Variants in TRDMT1 observed in about 807,000 individuals in gnomAD.
TRDMT1 encodes tRNA aspartic acid methyltransferase 1, also known as tRNA (cytosine(38)-C(5))-methyltransferase.
A neutral mutation model predicts 51.2 loss-of-function variants in TRDMT1; 49 were observed. That is an observed-to-expected ratio of 0.96 (90% confidence interval 0.76 to 1.21). TRDMT1 has a LOEUF of 1.21. Among genes scored for constraint, TRDMT1 ranks in the 50% most tolerant of loss-of-function variants. TRDMT1 has a pLI of 0.00. For synonymous variants in TRDMT1, 187 were observed against 164.6 expected, an observed-to-expected ratio of 1.14 and a Z score of -1.04; for missense variants, 534 against 462.3, an observed-to-expected ratio of 1.16 and a Z score of -1.42.
At chr10:17,150,474 T>C (rs1219398250) in intron 10 of TRDMT1, 2 of 985,268 alleles carry the variant, frequency 2.0e-6, no homozygotes, top group Non-Finnish European at 2.4e-6. Flanking sequence ...AAAAGGCCCA[T>C]GGATCCCTTA....
Position 17,169,473 on chromosome 10 carries a change from G to C in TRDMT1, c.175-556C>G, listed in dbSNP as rs977457771. The C allele has an allele frequency of 7.8e-6, 10 of 1,289,522 alleles. No individual in the cohort carries two copies. The African/African-American group carries it at 1.5e-4, about 20-fold the overall frequency. The allele number at this position is 1,289,522 out of a possible 1,614,324, so 79.9% of individuals were successfully genotyped here. A position where few individuals can be genotyped will look rare whatever the true frequency, so the allele number is the denominator to read the frequency against. ...GTGCAATGAACTTCAAATGACTGTT[G>C]ACAAGATGCATCAAAAGAATTCCTA... On this transcript the variant is annotated intron_variant, in intron 2 of 10. Coordinates refer to ENST00000377799, the MANE Select transcript of TRDMT1 (RefSeq NM_004412.7).
intron 10 of TRDMT1, among the ~76,000 whole-genome samples, chr10:17,149,501 G>T (rs2131368140): frequency 1.3e-5 from 2 of 152,154 alleles, no homozygotes; most frequent in Admixed American, 1.3e-4. Context: ...GATATAATTT[G>T]CATAGCATAA....
At chr10:17,156,387 A>G (rs1839514787) in intron 8 of TRDMT1, among the ~76,000 whole-genome samples, 1 of 151,820 alleles carries the variant, frequency 6.6e-6, no homozygotes, top group Non-Finnish European at 1.5e-5. Flanking sequence ...GGCACCCACC[A>G]CCATGCCTGG....
Position 17,139,202 on chromosome 10 carries a change from C to T in TRDMT1, c.*9838G>A. 1 of 985,316 alleles carries T rather than the reference C, an allele frequency of 1.0e-6. No homozygotes were observed. The allele number at this position is 985,316 out of a possible 1,614,324, so 61.0% of individuals were successfully genotyped here. On this transcript the variant is annotated 3_prime_UTR_variant, in exon 11 of 11. Transcript: ENST00000377799. ...TCCTGCCATCCTGTTCCAAATCAAC[C>T]TAAAAAGGACAAAATGAGTTTTCTA...
At position 17,169,594 on chromosome 10, in the gene TRDMT1, C is replaced by T. The variant is rs1036886518; in HGVS notation, c.175-677G>A. On this transcript the variant is annotated intron_variant, in intron 2 of 10. Coordinates refer to ENST00000377799, the MANE Select transcript of TRDMT1 (RefSeq NM_004412.7). ...CACACGTCAGGGGTTTGCCAACTCACATTAAGCACTCTCAGTGCACATCTT... is the reference window on the plus strand; with the variant it reads ...CACACGTCAGGGGTTTGCCAACTCATATTAAGCACTCTCAGTGCACATCTT... 14 of 1,146,544 alleles carry T rather than the reference C, an allele frequency of 1.2e-5. No individual in the cohort carries two copies. The East Asian group carries it at 2.9e-4, about 24-fold the overall frequency. The allele number at this position is 1,146,544 out of a possible 1,614,324, so 71.0% of individuals were successfully genotyped here.
intron 9 of TRDMT1, 54 bp from the exon 10 acceptor site, chr10:17,153,690 A>T (rs1839097616): frequency 1.3e-6 from 2 of 1,505,584 alleles, no homozygotes; most frequent in Admixed American, 4.3e-5. Context: ...TAGATTTAAG[A>T]TCTCCTGCTG....
At chr10:17,179,465 A>G (rs1843010515) in intron 1 of TRDMT1, among the ~76,000 whole-genome samples, 1 of 152,148 alleles carries the variant, frequency 6.6e-6, no homozygotes, top group African/African-American at 2.4e-5. Context: ...AATGCTCAAT[A>G]ATTATTAAAA....
intron 2 of TRDMT1, among the ~76,000 whole-genome samples, chr10:17,173,630 G>C (rs1041348409): frequency 6.6e-6 from 1 of 152,098 alleles, no homozygotes; most frequent in African/African-American, 2.4e-5. Flanking sequence ...TTACACAGTT[G>C]ATGATTGAGT....
intron 1 of TRDMT1, among the ~76,000 whole-genome samples, chr10:17,182,031 T>C (rs563886579): frequency 6.6e-6 from 1 of 152,250 alleles, no homozygotes; most frequent in East Asian, 1.9e-4. Flanking sequence ...GCCAGACCGG[T>C]TTCAGGATGG....
intron 1 of TRDMT1, among the ~76,000 whole-genome samples, chr10:17,175,411 A>T (rs1842505519): frequency 6.6e-6 from 1 of 152,190 alleles, no homozygotes; most frequent in Admixed American, 6.5e-5. Context: ...TGTTAGCCGA[A>T]ATTGGAACTC....
At chr10:17,153,733 T>G in intron 9 of TRDMT1, 97 bp from the exon 10 acceptor site, 2 of 1,315,856 alleles carry the variant, frequency 1.5e-6, no homozygotes, top group Non-Finnish European at 2.1e-6. Context: ...ACATACAGTC[T>G]GCTGTAACAC....
At chr10:17,191,025 G>A (rs1844614539) in intron 1 of TRDMT1, among the ~76,000 whole-genome samples, 1 of 152,194 alleles carries the variant, frequency 6.6e-6, no homozygotes, top group African/African-American at 2.4e-5. Flanking sequence ...ATGAGGGGAT[G>A]GGCCTGACAG....
At chr10:17,179,080 A>G (rs1231600338) in intron 1 of TRDMT1, among the ~76,000 whole-genome samples, 3 of 152,218 alleles carry the variant, frequency 2.0e-5, no homozygotes, top group African/African-American at 4.8e-5. Context: ...TCTACAAGGA[A>G]TGGAAAATAA....
chr10:17,198,270 A>G (rs779235705), intron 1 of TRDMT1, among the ~76,000 whole-genome samples: 6 of 152,210 alleles, frequency 3.9e-5, no homozygotes, highest in Non-Finnish European at 5.9e-5. Context: ...ACACAGTATT[A>G]TCATATGATC....
intron 6 of TRDMT1, among the ~76,000 whole-genome samples, 159 bp from the exon 7 acceptor site, chr10:17,159,388 T>C (rs564603822): frequency 6.6e-6 from 1 of 152,302 alleles, no homozygotes; most frequent in African/African-American, 2.4e-5. Context: ...GACTCCATTG[T>C]AGTACATTTT....
At position 17,146,381 on chromosome 10, in the gene TRDMT1, A is replaced by G; in HGVS notation, c.*2659T>C. On this transcript the variant is annotated 3_prime_UTR_variant, in exon 11 of 11. Coordinates refer to ENST00000377799, the MANE Select transcript of TRDMT1 (RefSeq NM_004412.7). ...ATGGCCAGGGTCCTCTGTGAAGGTG[A>G]TGCCATCATTCCTCTTTCTTGCCTG... The G allele has an allele frequency of 1.0e-6, 1 of 985,432 alleles. No individual in the cohort carries two copies. The highest frequency in any genetic ancestry group is 1.2e-6 in the Non-Finnish European group (1 of 829,926). The allele number at this position is 985,432 out of a possible 1,614,324, so 61.0% of individuals were successfully genotyped here. A position where few individuals can be genotyped will look rare whatever the true frequency, so the allele number is the denominator to read the frequency against.
rs1231168556 is a variant in TRDMT1, at chr10:17,140,230, T to G, written c.*8810A>C. ...CATCCAGCTATTTTTTTTTTTTTTT[T>G]GTACCTTTAGTAGAGATAGGGTTTT... On this transcript the variant is annotated 3_prime_UTR_variant, in exon 11 of 11. Coordinates refer to ENST00000377799, the MANE Select transcript of TRDMT1 (RefSeq NM_004412.7). 2.9e-5 allele frequency among the ~76,000 whole-genome samples: 4 copies of G among 137,606 alleles called. No homozygotes were observed. Among genetic ancestry groups the G allele is most frequent in the Non-Finnish European group, 6.2e-5 (4 of 64,394 alleles). 90.3% of individuals were successfully genotyped at this position (137,606 alleles called of 152,430 possible).
chr10:17,198,479 T>A (rs1386999603), intron 1 of TRDMT1, among the ~76,000 whole-genome samples: 1 of 152,110 alleles, frequency 6.6e-6, no homozygotes. Flanking sequence ...CAAAAAGAAC[T>A]GAGATATTGA....
At chr10:17,151,416 G>C in intron 10 of TRDMT1, 1 of 979,322 alleles carries the variant, frequency 1.0e-6, no homozygotes, top group East Asian at 1.1e-4. Flanking sequence ...ACAGAACCAG[G>C]ACAGAGGGTT....
Sources: allele counts gnomAD v4.1 joint callset (sites outside exome capture counted in the v4.1 genomes callset), GRCh38; gene constraint gnomAD v4.1.1; transcripts MANE v1.5; gene names NCBI Gene and HGNC (gene_info 2026-07-23, HGNC 2026-07-21).